PEAK1: variants seen among roughly 807,000 people sequenced by gnomAD.
The protein encoded by PEAK1 is inactive tyrosine-protein kinase PEAK1.
PEAK1 carries 54 observed loss-of-function variants against 124.7 expected under a neutral mutation model. The ratio of observed to expected loss-of-function variants is 0.43; its 90% confidence interval spans 0.35 to 0.54. The LOEUF (loss-of-function observed/expected upper bound fraction) is 0.54. Ranked by LOEUF, PEAK1 falls within the 20% of genes least tolerant of loss-of-function variation. The pLI is 0.01. For missense variants in PEAK1, 2,046 were observed against 2,134.5 expected (o/e 0.96, Z 0.82); for synonymous variants, 719 against 760.0 (o/e 0.95, Z 0.89).
intron 7 of PEAK1, among the ~76,000 whole-genome samples, chr15:77,173,837 CT>C (rs2056673366): frequency 6.6e-6 from 1 of 152,148 alleles, no homozygotes; most frequent in Non-Finnish European, 1.5e-5. Flanking sequence ...TAAAGATCTG[CT>C]TTGGATTTTA....
In PEAK1 at chr15:77,182,050, GGAAAA is replaced by G; in HGVS notation, c.-114-15_-114-11del. On this transcript the variant is annotated splice_polypyrimidine_tract_variant and intron_variant, in intron 6 of 9. Coordinates refer to ENST00000682557, the MANE Select transcript of PEAK1 (RefSeq NM_001385026.1). ...TCTAAGAATGATCAATCTGTGGAGG[GGAAAA>G]GAAGACAAAAAATCTGAATGAAAAA... 1 of 1,388,482 alleles carries G rather than the reference GGAAAA, an allele frequency of 7.2e-7. No homozygotes were observed. The highest frequency in any genetic ancestry group is 2.5e-5 in the East Asian group (1 of 39,368). The allele number at this position is 1,388,482 out of a possible 1,614,324, so 86.0% of individuals were successfully genotyped here.
intron 7 of PEAK1, among the ~76,000 whole-genome samples, chr15:77,174,214 A>C (rs1292535774): frequency 6.6e-6 from 1 of 152,186 alleles, no homozygotes; most frequent in Non-Finnish European, 1.5e-5. Context: ...CTAATCCCAT[A>C]ATGAAGGGCT....
intron 2 of PEAK1, among the ~76,000 whole-genome samples, chr15:77,339,230 C>T (rs2066392109): frequency 6.6e-6 from 1 of 151,714 alleles, no homozygotes; most frequent in Admixed American, 6.6e-5. Flanking sequence ...ACCATCTCAG[C>T]CTGCGGGGTA....
intron 6 of PEAK1, among the ~76,000 whole-genome samples, chr15:77,182,977 A>G (rs2057362598): frequency 6.6e-6 from 1 of 152,164 alleles, no homozygotes; most frequent in African/African-American, 2.4e-5. Flanking sequence ...TGTAAAATCT[A>G]GAATCTATAT....
At chr15:77,143,105 T>G (rs2053911849) in intron 8 of PEAK1, among the ~76,000 whole-genome samples, 1 of 152,232 alleles carries the variant, frequency 6.6e-6, no homozygotes, top group South Asian at 2.1e-4. Flanking sequence ...TGGCATTTAC[T>G]GAATGTTTCC....
At chr15:77,119,456 C>A (rs945263715) in intron 9 of PEAK1, among the ~76,000 whole-genome samples, 5 of 152,216 alleles carry the variant, frequency 3.3e-5, no homozygotes, top group African/African-American at 1.2e-4. Context: ...CTCATGGCTC[C>A]TGAGCACTTC....
chr15:77,407,222 T>C (rs1013303521), intron 1 of PEAK1, among the ~76,000 whole-genome samples: 5 of 152,144 alleles, frequency 3.3e-5, no homozygotes, highest in Admixed American at 6.5e-5. Flanking sequence ...AAAGACTTCA[T>C]GTCCAAGAAC....
intron 2 of PEAK1, chr15:77,334,683 T>C (rs2141269865): frequency 2.0e-6 from 2 of 985,232 alleles, no homozygotes; most frequent in Middle Eastern, 5.2e-4. Context: ...TTTCCATCTA[T>C]TTTTTTAACA....
At chr15:77,240,951 G>C (rs1252137120) in intron 6 of PEAK1, among the ~76,000 whole-genome samples, 1 of 152,012 alleles carries the variant, frequency 6.6e-6, no homozygotes, top group African/African-American at 2.4e-5. Context: ...CATTTTATGA[G>C]ATCTGCTTCA....
rs2050995662 is a variant in PEAK1 at position 77,111,870 on chromosome 15, A to C, written c.*2286T>G. 6.6e-6 allele frequency: 1 copy of C among 152,280 alleles called. No individual in the cohort carries two copies. Among genetic ancestry groups the C allele is most frequent in the Admixed American group, 6.5e-5 (1 of 15,288 alleles). The allele number at this position is 152,280 out of a possible 1,614,324, so 9.4% of individuals were successfully genotyped here. A position where few individuals can be genotyped will look rare whatever the true frequency, so the allele number is the denominator to read the frequency against. ...ACATGACATTGAGAAGGTATATCTCAATATGCAAGACATTGCAAGATGGGA... is the reference window on the plus strand; with the variant it reads ...ACATGACATTGAGAAGGTATATCTCCATATGCAAGACATTGCAAGATGGGA... On this transcript the variant is annotated 3_prime_UTR_variant, in exon 10 of 10. Transcript: ENST00000682557.
chr15:77,119,758 T>C (rs540543525), intron 9 of PEAK1, among the ~76,000 whole-genome samples: 6 of 152,362 alleles, frequency 3.9e-5, no homozygotes, highest in African/African-American at 1.4e-4. Context: ...GGGCTCATTT[T>C]CCATGTTGCT....
At chr15:77,323,062 G>C (rs1450210757) in intron 2 of PEAK1, among the ~76,000 whole-genome samples, 2 of 152,060 alleles carry the variant, frequency 1.3e-5, no homozygotes, top group Non-Finnish European at 2.9e-5. Flanking sequence ...ATGCAGAAAA[G>C]GCCTTTGACA....
intron 2 of PEAK1, among the ~76,000 whole-genome samples, chr15:77,354,131 T>C (rs1349901674): frequency 6.6e-6 from 1 of 152,184 alleles, no homozygotes; most frequent in Non-Finnish European, 1.5e-5. Flanking sequence ...CAGACAGATC[T>C]GTACATCTCC....
At chr15:77,404,239 G>A (rs1376218256) in intron 1 of PEAK1, 26 of 985,250 alleles carry the variant, frequency 2.6e-5, no homozygotes, top group Non-Finnish European at 3.1e-5. Context: ...GGTGTAACTT[G>A]GCTTTGCTGT....
intron 7 of PEAK1, among the ~76,000 whole-genome samples, chr15:77,160,082 C>T (rs1370453776): frequency 6.6e-6 from 1 of 151,886 alleles, no homozygotes; most frequent in Admixed American, 6.6e-5. Context: ...CACAGTAAAG[C>T]ATACTGCCTC....
In PEAK1 at chr15:77,111,391, C is replaced by G. The variant is rs2050966567; in HGVS notation, c.*2765G>C. On this transcript the variant is annotated 3_prime_UTR_variant, in exon 10 of 10. Transcript: ENST00000682557. ...TGGAAAAATATTCTGAAGACCAACT[C>G]ATGTAGTACTTTTTGCCTAGAAATA... The G allele has an allele frequency of 6.6e-6, 1 of 152,168 alleles. No homozygotes were observed. Among genetic ancestry groups the G allele is most frequent in the Middle Eastern group, 3.2e-3 (1 of 316 alleles). 9.4% of individuals were successfully genotyped at this position (152,168 alleles called of 1,614,324 possible).
chr15:77,340,365 A>C (rs1434572681), intron 2 of PEAK1, among the ~76,000 whole-genome samples: 5 of 152,234 alleles, frequency 3.3e-5, no homozygotes, highest in Non-Finnish European at 7.3e-5. Flanking sequence ...AGCCATCTGA[A>C]GAGACTACAT....
Position 77,124,089 on chromosome 15 carries a change from T to C in PEAK1, c.4078-8770A>G, listed in dbSNP as rs146297820. Among the ~76,000 whole-genome samples, 722 of 152,346 alleles carry C rather than the reference T, an allele frequency of 4.7e-3. 4 individuals carry two copies. The highest frequency in any genetic ancestry group is 0.016 in the African/African-American group (664 of 41,574). On this transcript the variant is annotated intron_variant, in intron 9 of 9. Coordinates refer to ENST00000682557, the MANE Select transcript of PEAK1 (RefSeq NM_001385026.1). The stretch of plus-strand genomic sequence containing the variant: ...GCATTCACCCCAATTATTACCAACA[T>C]TGCATTTTCTTGAGGCTTACAAGAC...
At chr15:77,374,292 C>T (rs755617886) in intron 1 of PEAK1, among the ~76,000 whole-genome samples, 4 of 152,238 alleles carry the variant, frequency 2.6e-5, no homozygotes, top group Admixed American at 6.5e-5. Context: ...GCTTCAGATA[C>T]TTCTAATTAG....
Sources: allele counts gnomAD v4.1 joint callset (sites outside exome capture counted in the v4.1 genomes callset), GRCh38; gene constraint gnomAD v4.1.1; transcripts MANE v1.5; gene names NCBI Gene and HGNC (gene_info 2026-07-23, HGNC 2026-07-21).